STRIP1: variants seen among roughly 807,000 people sequenced by gnomAD.
STRIP1 encodes the protein striatin interacting protein 1.
In STRIP1, 63 loss-of-function variants were observed where a neutral mutation model predicts 106.2. The ratio of observed to expected loss-of-function variants is 0.59; its 90% CI spans 0.48 to 0.73. The LOEUF (loss-of-function observed/expected upper bound fraction) is 0.73. STRIP1 is among the 30% of genes least tolerant of loss of function. The probability of loss-of-function intolerance (pLI) is 0.00; values close to 1 mark genes in which losing one functional copy is unlikely to be tolerated. For missense variants in STRIP1, 857 were observed against 1,074.8 expected (o/e 0.80, Z 2.83); for synonymous variants, 390 against 413.0 (o/e 0.94, Z 0.67).
chr1:110,038,116 A>ATATG (rs1652569326), intron 2 of STRIP1, 156 bp downstream of exon 2: 2 of 171,350 alleles, frequency 1.2e-5, no homozygotes, highest in African/African-American at 5.2e-5. Context: ...ATATATATGT[A>ATATG]TAAAACATGT....
upstream of STRIP1, among the ~76,000 whole-genome samples, chr1:110,032,091 T>C (rs1453671816): frequency 2.0e-5 from 3 of 152,168 alleles, no homozygotes. Flanking sequence ...ATCCCAACTT[T>C]ACACTATTGA....
chr1:110,052,817 C>T (rs1432338955), intron 20 of STRIP1, among the ~76,000 whole-genome samples: 4 of 152,162 alleles, frequency 2.6e-5, no homozygotes, highest in African/African-American at 7.2e-5. Context: ...CCACCAGCCT[C>T]GGCCTCCCAG....
chr1:110,041,354 G>T (rs930828369), intron 6 of STRIP1, 182 bp from the exon 7 acceptor site: 2 of 559,334 alleles, frequency 3.6e-6, no homozygotes, highest in African/African-American at 3.8e-5. Context: ...CACCTCTGTG[G>T]TTTTTTTCTT....
intron 20 of STRIP1, among the ~76,000 whole-genome samples, chr1:110,052,897 G>A (rs1232677155): frequency 6.6e-6 from 1 of 152,196 alleles, no homozygotes; most frequent in African/African-American, 2.4e-5. Context: ...TGCAGATCCT[G>A]TGCTGTTACC....
chr1:110,034,974 C>A (rs573100345), intron 1 of STRIP1, among the ~76,000 whole-genome samples, 157 bp downstream of exon 1: 1 of 152,346 alleles, frequency 6.6e-6, no homozygotes, highest in South Asian at 2.1e-4. Context: ...GGAAGCGAGG[C>A]TGGCAGCTCC....
At chr1:110,041,893 C>T (rs774482530) in intron 8 of STRIP1, 32 bp downstream of exon 8, 2 of 1,607,834 alleles carry the variant, frequency 1.2e-6, no homozygotes, top group South Asian at 2.2e-5. Context: ...GAGAACGGTG[C>T]TATGGGATGG....
Position 110,054,074 on chromosome 1 carries a change from A to T in STRIP1, c.*162A>T. ...CCTGGGCTTGGGTGAGCCCAGCTTG[A>T]CCTCCCCTTGGTTCCCAGGGTCCTG... On this transcript the variant is annotated 3_prime_UTR_variant, in exon 21 of 21. Transcript: ENST00000369795. 1 of 794,900 alleles carries T rather than the reference A, an allele frequency of 1.3e-6. No individual in the cohort carries two copies. Among genetic ancestry groups the T allele is most frequent in the Non-Finnish European group, 2.0e-6 (1 of 508,822 alleles). 49.2% of individuals were successfully genotyped at this position (794,900 alleles called of 1,614,324 possible).
intron 5 of STRIP1, chr1:110,039,797 A>G (rs1451108305): frequency 1.5e-6 from 2 of 1,343,150 alleles, no homozygotes; most frequent in Non-Finnish European, 9.8e-7. Flanking sequence ...GAGACTCTTC[A>G]CTTTGAGCTC....
intron 8 of STRIP1, 87 bp downstream of exon 8, chr1:110,041,948 T>A: frequency 1.4e-6 from 2 of 1,399,558 alleles, no homozygotes; most frequent in Non-Finnish European, 2.0e-6. Context: ...AATATTGAAT[T>A]ATGTGACTGT....
At chr1:110,035,470 A>T (rs1396550174) in intron 1 of STRIP1, among the ~76,000 whole-genome samples, 10 of 152,116 alleles carry the variant, frequency 6.6e-5, no homozygotes. Flanking sequence ...AGAAATAGAC[A>T]TTTTAAGCAT....
chr1:110,047,925 A>G, intron 15 of STRIP1, 56 bp downstream of exon 15: 1 of 1,414,694 alleles, frequency 7.1e-7, no homozygotes, highest in Non-Finnish European at 9.8e-7. Context: ...GGAGAAGGGC[A>G]AACATTTTCC....
chr1:110,054,014 G>GGCAGC lies in STRIP1; in HGVS notation c.*103_*107dup, dbSNP rs1409070040. 4.9e-6 allele frequency: 7 copies of GGCAGC among 1,442,806 alleles called. No homozygotes were observed. The highest frequency in any genetic ancestry group is 6.6e-6 in the Non-Finnish European group (7 of 1,053,368). 89.4% of individuals were successfully genotyped at this position (1,442,806 alleles called of 1,614,324 possible). On this transcript the variant is annotated 3_prime_UTR_variant, in exon 21 of 21. Coordinates refer to ENST00000369795, the MANE Select transcript of STRIP1 (RefSeq NM_033088.4). The stretch of plus-strand genomic sequence containing the variant: ...GCAGTGCTCCCATCCCCCACCAGGT[G>GGCAGC]GCAGCACAGCCCCACTGTGTCTTCC...
At chr1:110,046,869 G>T in intron 13 of STRIP1, 118 bp downstream of exon 13, 1 of 691,648 alleles carries the variant, frequency 1.4e-6, no homozygotes, top group Non-Finnish European at 2.5e-6. Context: ...GGCTAACATG[G>T]TGAAACCCCG....
intron 19 of STRIP1, among the ~76,000 whole-genome samples, 200 bp from the exon 20 acceptor site, chr1:110,051,483 C>G (rs974288685): frequency 3.3e-5 from 5 of 152,158 alleles, no homozygotes; most frequent in African/African-American, 1.2e-4. Context: ...TTAGGGTGAC[C>G]AACCATCCTG....
intron 8 of STRIP1, 140 bp from the exon 9 acceptor site, chr1:110,042,948 A>T: frequency 1.4e-6 from 1 of 724,802 alleles, no homozygotes; most frequent in Non-Finnish European, 2.2e-6. Context: ...GAGTGGCTTC[A>T]GTCCATTGTT....
rs536254353 is a variant in STRIP1, at chr1:110,049,364, T to C, written c.1789-96T>C. On this transcript the variant is annotated intron_variant, in intron 16 of 20. Transcript: ENST00000369795. The stretch of plus-strand genomic sequence containing the variant: ...AACTCTGCATGAATGTTCTAAGACA[T>C]GGCCCTTCAGCCAAGGCCTTTCATC... The C allele has an allele frequency of 5.1e-3, 7,921 of 1,558,214 alleles. 33 individuals carry two copies. Among genetic ancestry groups the C allele is most frequent in the Middle Eastern group, 0.011 (54 of 4,922 alleles).
chr1:110,034,538 A>T (rs983883240), upstream of STRIP1: 2 of 1,392,890 alleles, frequency 1.4e-6, no homozygotes, highest in Non-Finnish European at 1.9e-6. Context: ...TGGCCGCCAC[A>T]CTTAATATGG....
chr1:110,037,816 C>A, intron 1 of STRIP1, 75 bp from the exon 2 acceptor site: 1 of 1,047,166 alleles, frequency 9.5e-7, no homozygotes, highest in Non-Finnish European at 1.5e-6. Context: ...TGTAACACAA[C>A]AGCATCTCGA....
At chr1:110,042,977 C>CTA (rs1306840745) in intron 8 of STRIP1, 111 bp from the exon 9 acceptor site, 1 of 1,095,054 alleles carries the variant, frequency 9.1e-7, no homozygotes, top group Admixed American at 2.5e-5. Context: ...GCCTGGGTCT[C>CTA]TATAAAGACA....
Sources: allele counts gnomAD v4.1 joint callset (sites outside exome capture counted in the v4.1 genomes callset), GRCh38; gene constraint gnomAD v4.1.1; transcripts MANE v1.5; gene names NCBI Gene and HGNC (gene_info 2026-07-23, HGNC 2026-07-21).